Variants in LPP observed in about 807,000 individuals in gnomAD.
The protein encoded by LPP is lipoma-preferred partner.
LPP carries 38 observed loss-of-function variants against 60.4 expected under a neutral mutation model. The ratio of observed to expected loss-of-function variants is 0.63; its 90% CI spans 0.49 to 0.83. The LOEUF is 0.83. Ranked by LOEUF, LPP falls within the 40% of genes least tolerant of loss-of-function variation. The probability of loss-of-function intolerance (pLI) is 0.00; values close to 1 mark genes in which losing one functional copy is unlikely to be tolerated. For missense variants in LPP, 902 were observed against 783.6 expected (o/e 1.15, Z -1.80); for synonymous variants, 328 against 290.8 (o/e 1.13, Z -1.30).
At chr3:188,644,612 C>G (rs1850766558) in intron 7 of LPP, among the ~76,000 whole-genome samples, 1 of 151,788 alleles carries the variant, frequency 6.6e-6, no homozygotes, top group Non-Finnish European at 1.5e-5. Flanking sequence ...ATTATTTATT[C>G]CAAGCTTTAA....
intron 6 of LPP, among the ~76,000 whole-genome samples, chr3:188,599,232 G>A (rs1840588539): frequency 6.6e-6 from 1 of 152,032 alleles, no homozygotes; most frequent in Non-Finnish European, 1.5e-5. Context: ...AAAACCGATG[G>A]CATTCTATCT....
At chr3:188,459,551 G>A (rs1180828906) in intron 4 of LPP, among the ~76,000 whole-genome samples, 3 of 152,100 alleles carry the variant, frequency 2.0e-5, no homozygotes, top group Admixed American at 6.6e-5. Flanking sequence ...GATTCCCATC[G>A]TTCAAAGTAC....
chr3:188,195,120 G>A (rs1043613456), intron 1 of LPP, among the ~76,000 whole-genome samples: 15 of 152,212 alleles, frequency 9.9e-5, no homozygotes, highest in African/African-American at 2.9e-4. Context: ...TTAGCTGGGC[G>A]TCGTGGCTTG....
chr3:188,260,386 C>T (rs1174882869), intron 2 of LPP, among the ~76,000 whole-genome samples: 3 of 151,930 alleles, frequency 2.0e-5, no homozygotes, highest in African/African-American at 7.3e-5. Flanking sequence ...TTAACAAAAA[C>T]GATAATGTGG....
At chr3:188,382,471 A>C (rs772677392) in intron 3 of LPP, among the ~76,000 whole-genome samples, 2 of 152,328 alleles carry the variant, frequency 1.3e-5, no homozygotes, top group South Asian at 4.1e-4. Flanking sequence ...ATTGGTGGTC[A>C]CTTTTTAACT....
intron 2 of LPP, among the ~76,000 whole-genome samples, chr3:188,252,688 A>C (rs961598697): frequency 5.9e-5 from 9 of 152,278 alleles, no homozygotes; most frequent in Non-Finnish European, 8.8e-5. Context: ...AAAGTTAAGC[A>C]TCTTAATGTA....
intron 8 of LPP, chr3:188,711,890 A>C (rs1007687557): frequency 5.3e-5 from 8 of 152,354 alleles, no homozygotes; most frequent in Non-Finnish European, 1.0e-4. Flanking sequence ...CCTTTGAGTA[A>C]GTCTTTAAAA....
intron 11 of LPP, among the ~76,000 whole-genome samples, chr3:188,873,479 CAA>C (rs1768696014): frequency 6.6e-6 from 1 of 152,128 alleles, no homozygotes. Flanking sequence ...CTATTTTCTC[CAA>C]AGACAAAGGC....
At chr3:188,247,260 G>GT in intron 2 of LPP, 20 of 729,506 alleles carry the variant, frequency 2.7e-5, no homozygotes, top group South Asian at 1.2e-4. Flanking sequence ...CACTTTAGTG[G>GT]GAAAAAAAAA....
At chr3:188,720,304 A>G (rs1255465524) in intron 8 of LPP, among the ~76,000 whole-genome samples, 2 of 152,184 alleles carry the variant, frequency 1.3e-5, no homozygotes, top group African/African-American at 4.8e-5. Context: ...TATGGGAGAT[A>G]ATGGAAATGA....
chr3:188,255,635 A>T (rs899650343), intron 2 of LPP, among the ~76,000 whole-genome samples: 3 of 152,182 alleles, frequency 2.0e-5, no homozygotes, highest in Non-Finnish European at 4.4e-5. Flanking sequence ...TGTTTAATTC[A>T]TAGCTGGCTT....
intron 6 of LPP, among the ~76,000 whole-genome samples, chr3:188,605,203 C>A (rs962659959): frequency 7.2e-5 from 11 of 151,944 alleles, no homozygotes; most frequent in African/African-American, 2.7e-4. Flanking sequence ...CATTGGGAGA[C>A]CAGTTTGGAT....
chr3:188,274,788 C>T (rs1283154028), intron 2 of LPP, among the ~76,000 whole-genome samples: 1 of 152,198 alleles, frequency 6.6e-6, no homozygotes, highest in Non-Finnish European at 1.5e-5. Flanking sequence ...CCTGATAGAC[C>T]TTATGGTTAG....
chr3:188,480,196 A>G (rs568112732), intron 4 of LPP, among the ~76,000 whole-genome samples: 3 of 152,338 alleles, frequency 2.0e-5, no homozygotes, highest in Admixed American at 1.3e-4. Flanking sequence ...TGAGTTAACA[A>G]TATGCCTAAC....
At chr3:188,720,764 G>T (rs754625261) in intron 8 of LPP, among the ~76,000 whole-genome samples, 3 of 152,032 alleles carry the variant, frequency 2.0e-5, no homozygotes, top group Admixed American at 6.5e-5. Context: ...TCCTCACTTG[G>T]TTCTAAGGTT....
At chr3:188,312,827 C>T (rs1753873859) in intron 2 of LPP, 2 of 152,068 alleles carry the variant, frequency 1.3e-5, no homozygotes, top group African/African-American at 4.8e-5. Context: ...AGTTCATGTC[C>T]TTTGTAGGGA....
intron 2 of LPP, among the ~76,000 whole-genome samples, chr3:188,228,122 A>G (rs1308729301): frequency 6.6e-6 from 1 of 152,214 alleles, no homozygotes; most frequent in Non-Finnish European, 1.5e-5. Flanking sequence ...GGCATCAGCC[A>G]GCTGCACTGT....
chr3:188,722,537 TTAGAG>T (rs770608022), intron 8 of LPP, among the ~76,000 whole-genome samples: 7 of 152,214 alleles, frequency 4.6e-5, no homozygotes, highest in Admixed American at 1.3e-4. Flanking sequence ...TGTGCTCTCC[TTAGAG>T]TATTTTGTTA....
intron 7 of LPP, among the ~76,000 whole-genome samples, chr3:188,623,388 G>T (rs1846188243): frequency 6.6e-6 from 1 of 151,766 alleles, no homozygotes; most frequent in Admixed American, 6.6e-5. Flanking sequence ...CTCCAGAGTA[G>T]GTGGGATTAC....
Sources: allele counts gnomAD v4.1 joint callset (sites outside exome capture counted in the v4.1 genomes callset), GRCh38; gene constraint gnomAD v4.1.1; transcripts MANE v1.5; gene names NCBI Gene and HGNC (gene_info 2026-07-23, HGNC 2026-07-21).